Variants in RPS6KC1 observed in about 807,000 individuals in gnomAD.
RPS6KC1 encodes the protein ribosomal protein S6 kinase C1.
A neutral mutation model predicts 103.8 loss-of-function variants in RPS6KC1; 54 were observed. That is an observed-to-expected ratio of 0.52 (90% CI 0.42 to 0.65). The LOEUF (loss-of-function observed/expected upper bound fraction) is 0.65, where lower values mean the gene tolerates loss of function less well. RPS6KC1 is among the 30% of genes least tolerant of loss of function. The pLI is 0.00. For missense variants in RPS6KC1, 1,151 were observed against 1,253.8 expected (o/e 0.92, Z 1.24); for synonymous variants, 439 against 438.7 (o/e 1.00, Z -0.01).
At chr1:213,752,516 G>T in the RPS6KC1 span, among the ~76,000 whole-genome samples, 1 of 152,218 alleles carries the variant, frequency 6.6e-6, no homozygotes, top group Non-Finnish European at 1.5e-5. Flanking sequence ...CAGGGGAAAA[G>T]TGGGACAGCC....
chr1:213,853,196 T>A, the RPS6KC1 span, among the ~76,000 whole-genome samples: 1 of 152,218 alleles, frequency 6.6e-6, no homozygotes, highest in African/African-American at 2.4e-5. Flanking sequence ...AGCCAGCAGA[T>A]GTGTATTAAG....
chr1:213,459,239 C>CT, the RPS6KC1 span, among the ~76,000 whole-genome samples: 15 of 151,804 alleles, frequency 9.9e-5, no homozygotes, highest in South Asian at 4.2e-4. Context: ...CGGTCCTGGG[C>CT]TTTTTTTTGG....
chr1:213,423,484 T>C, the RPS6KC1 span, among the ~76,000 whole-genome samples: 1 of 152,196 alleles, frequency 6.6e-6, no homozygotes, highest in Non-Finnish European at 1.5e-5. Flanking sequence ...CGCCCAGATT[T>C]AGCCACCAGT....
chr1:213,442,359 A>T, the RPS6KC1 span, among the ~76,000 whole-genome samples: 1 of 152,192 alleles, frequency 6.6e-6, no homozygotes, highest in Admixed American at 6.5e-5. Context: ...TTCAACAGAC[A>T]TTTTTTGATG....
At chr1:213,253,389 A>G (rs2149038627) in intron 12 of RPS6KC1, among the ~76,000 whole-genome samples, 1 of 152,326 alleles carries the variant, frequency 6.6e-6, no homozygotes, top group East Asian at 1.9e-4. Flanking sequence ...TTTCCTTATT[A>G]AGCATTTTAA....
At chr1:213,141,864 G>A (rs1318307500) in intron 6 of RPS6KC1, among the ~76,000 whole-genome samples, 3 of 151,372 alleles carry the variant, frequency 2.0e-5, no homozygotes, top group Non-Finnish European at 2.9e-5. Flanking sequence ...TGGGTGGAGT[G>A]TTCTGTAGAT....
the RPS6KC1 span, among the ~76,000 whole-genome samples, chr1:213,314,276 G>T: frequency 1.3e-5 from 2 of 152,314 alleles, no homozygotes; most frequent in South Asian, 4.1e-4. Flanking sequence ...GATTACATCT[G>T]TAAAAGCCCT....
the RPS6KC1 span, among the ~76,000 whole-genome samples, chr1:213,513,509 A>T: frequency 1.5e-3 from 234 of 152,362 alleles, no homozygotes; most frequent in African/African-American, 5.3e-3. Context: ...GTGGCAAAAA[A>T]TAGGCACAAA....
the RPS6KC1 span, among the ~76,000 whole-genome samples, chr1:213,762,090 G>A: frequency 6.6e-6 from 1 of 151,964 alleles, no homozygotes; most frequent in Admixed American, 6.6e-5. Context: ...GAGAGAGAGG[G>A]AGGGAAGGAA....
the RPS6KC1 span, among the ~76,000 whole-genome samples, chr1:213,625,244 C>T: frequency 6.6e-6 from 1 of 152,184 alleles, no homozygotes; most frequent in Non-Finnish European, 1.5e-5. Flanking sequence ...TCTTTAGATG[C>T]TTCCTATTCC....
chr1:213,795,923 G>A, the RPS6KC1 span, among the ~76,000 whole-genome samples: 2 of 152,154 alleles, frequency 1.3e-5, no homozygotes, highest in East Asian at 1.9e-4. Context: ...TCATTGGCTG[G>A]GAGAGCCAGG....
the RPS6KC1 span, among the ~76,000 whole-genome samples, chr1:213,589,642 C>CA: frequency 0.043 from 5,593 of 129,046 alleles, 235 homozygotes; most frequent in African/African-American, 0.11. Flanking sequence ...AACTCTGTTT[C>CA]AAAAAAAAAA....
intron 8 of RPS6KC1, among the ~76,000 whole-genome samples, chr1:213,207,562 T>C (rs1381796232): frequency 6.6e-6 from 1 of 152,202 alleles, no homozygotes; most frequent in Non-Finnish European, 1.5e-5. Context: ...CCTGACTCTT[T>C]TCTGTATTTT....
chr1:213,070,641 T>C (rs2078780923), intron 1 of RPS6KC1, among the ~76,000 whole-genome samples: 1 of 152,188 alleles, frequency 6.6e-6, no homozygotes, highest in Non-Finnish European at 1.5e-5. Context: ...GCATTTGCCT[T>C]ATTTGAACAC....
At chr1:213,831,249 T>C in the RPS6KC1 span, among the ~76,000 whole-genome samples, 1 of 152,232 alleles carries the variant, frequency 6.6e-6, no homozygotes, top group Non-Finnish European at 1.5e-5. Flanking sequence ...ACTTTACAGA[T>C]GTGATTAAAC....
intron 1 of RPS6KC1, among the ~76,000 whole-genome samples, chr1:213,069,456 T>C (rs984280165): frequency 2.6e-5 from 4 of 152,210 alleles, no homozygotes; most frequent in African/African-American, 9.6e-5. Context: ...GTTAGTATTA[T>C]CTCCGTTTTA....
the RPS6KC1 span, among the ~76,000 whole-genome samples, chr1:213,446,176 C>T: frequency 6.6e-6 from 1 of 152,222 alleles, no homozygotes; most frequent in Non-Finnish European, 1.5e-5. Flanking sequence ...CATCATTCCT[C>T]ATGTCTTCCC....
the RPS6KC1 span, among the ~76,000 whole-genome samples, chr1:213,735,616 A>C: frequency 3.3e-5 from 5 of 152,232 alleles, no homozygotes; most frequent in Non-Finnish European, 4.4e-5. Flanking sequence ...AATTTGGTAC[A>C]ATGATGCATG....
chr1:213,243,532 A>AT (rs2094401483), intron 12 of RPS6KC1, among the ~76,000 whole-genome samples: 1 of 152,288 alleles, frequency 6.6e-6, no homozygotes, highest in Admixed American at 6.5e-5. Context: ...TATTGTCTTT[A>AT]TTTTTTAAAA....
Sources: allele counts gnomAD v4.1 joint callset (sites outside exome capture counted in the v4.1 genomes callset), GRCh38; gene constraint gnomAD v4.1.1; transcripts MANE v1.5; gene names NCBI Gene and HGNC (gene_info 2026-07-23, HGNC 2026-07-21).